The following KDM4C variants were observed in gnomAD, a reference collection of about 807,000 sequenced individuals.
KDM4C encodes the protein lysine-specific demethylase 4C.
KDM4C carries 81 observed loss-of-function variants against 129.3 expected under a neutral mutation model. The observed-to-expected ratio is 0.63, with a 90% CI of 0.52 to 0.75. KDM4C has a LOEUF of 0.75. Among genes scored for constraint, KDM4C ranks in the 30% least tolerant of loss-of-function variants. The pLI is 0.00. For missense variants in KDM4C, 1,457 were observed against 1,304.0 expected, an observed-to-expected ratio of 1.12 and a Z score of -1.81; for synonymous variants, 573 against 456.1, an observed-to-expected ratio of 1.26 and a Z score of -3.26.
chr9:6,968,507 G>A (rs1831397602), intron 8 of KDM4C, among the ~76,000 whole-genome samples: 1 of 152,126 alleles, frequency 6.6e-6, no homozygotes, highest in African/African-American at 2.4e-5. Context: ...CTCTGATGTT[G>A]CTGTGGTTAA....
intron 15 of KDM4C, among the ~76,000 whole-genome samples, chr9:7,016,833 C>G (rs1289855584): frequency 6.6e-6 from 1 of 152,118 alleles, no homozygotes; most frequent in African/African-American, 2.4e-5. Flanking sequence ...TCTTCATTTT[C>G]TTGTCCATCC....
intron 8 of KDM4C, among the ~76,000 whole-genome samples, chr9:6,915,176 A>G (rs7034545): frequency 0.056 from 8,526 of 152,310 alleles, 500 homozygotes; most frequent in African/African-American, 0.14. Context: ...TTAATTTGCT[A>G]GAATGCAGCT....
intron 18 of KDM4C, among the ~76,000 whole-genome samples, chr9:7,113,831 C>T (rs555884809): frequency 7.2e-5 from 11 of 152,272 alleles, no homozygotes; most frequent in East Asian, 1.9e-4. Context: ...CATGAAGGCT[C>T]GTGCTGGAGA....
In KDM4C at chr9:7,091,943, C is replaced by G. The variant is rs149020120; in HGVS notation, c.2425-11742C>G. 3.2e-3 allele frequency among the ~76,000 whole-genome samples: 489 copies of G among 152,300 alleles called. 7 individuals are homozygous for G. Among genetic ancestry groups the G allele is most frequent in the African/African-American group, 0.011 (453 of 41,564 alleles). On this transcript the variant is annotated intron_variant, in intron 17 of 21. Transcript: ENST00000381309. Reference sequence around the variant, plus strand: ...CAGCACATGCTTCTCTGCGCTGTTTCCTGAAGTGTTATTTGTTTAACGTCC... The same window carrying G: ...CAGCACATGCTTCTCTGCGCTGTTTGCTGAAGTGTTATTTGTTTAACGTCC...
chr9:7,066,960 C>A (rs912083069), intron 17 of KDM4C, among the ~76,000 whole-genome samples: 4 of 152,066 alleles, frequency 2.6e-5, no homozygotes, highest in African/African-American at 9.7e-5. Context: ...TTTGGCAGGT[C>A]AACTTAAAAA....
At chr9:6,952,105 A>G (rs995556879) in intron 8 of KDM4C, among the ~76,000 whole-genome samples, 1 of 152,154 alleles carries the variant, frequency 6.6e-6, no homozygotes, top group Non-Finnish European at 1.5e-5. Context: ...AATCTTTATG[A>G]AAGGAAATTT....
chr9:6,816,871 C>T (rs2131169491), intron 4 of KDM4C, among the ~76,000 whole-genome samples: 1 of 146,032 alleles, frequency 6.8e-6, no homozygotes, highest in East Asian at 2.0e-4. Flanking sequence ...GGCTTAAGTT[C>T]CCTTTTCTGT....
intron 12 of KDM4C, among the ~76,000 whole-genome samples, chr9:7,008,560 A>C (rs1822105924): frequency 6.6e-6 from 1 of 152,204 alleles, no homozygotes; most frequent in Non-Finnish European, 1.5e-5. Flanking sequence ...CCCTGGGTAC[A>C]GGTCTACCAT....
rs773665566 is a variant in KDM4C, at chr9:7,013,985, C to T, written c.2166C>T (p.Cys722=). The T allele has an allele frequency of 8.1e-6, 13 of 1,612,790 alleles. No individual in the cohort carries two copies. The highest frequency in any genetic ancestry group is 1.1e-5 in the South Asian group (1 of 90,956). Residue 722 remains cysteine, a synonymous_variant, in exon 14 of 22, where the codon TGC becomes TGT. Coordinates refer to ENST00000381309, the MANE Select transcript of KDM4C (RefSeq NM_015061.6). ...TCCTTATTTCCTGTGCAAAGTGCTG[C>T]GTACGGGTTCATGCAAGTAAATGGA... ...TSLLISCAKC[C]VRVHASCYGI... is the part of the protein sequence containing the mutation.
chr9:6,845,990 C>T (rs1205184166), intron 4 of KDM4C, among the ~76,000 whole-genome samples: 1 of 152,192 alleles, frequency 6.6e-6, no homozygotes, highest in Non-Finnish European at 1.5e-5. Flanking sequence ...TTGGAGACTG[C>T]TTTTACACTA....
intron 8 of KDM4C, among the ~76,000 whole-genome samples, chr9:6,972,537 A>G (rs1048791949): frequency 6.6e-6 from 1 of 152,170 alleles, no homozygotes. Context: ...AAATGCCACC[A>G]GTTGTGGTCA....
intron 15 of KDM4C, among the ~76,000 whole-genome samples, chr9:7,025,528 T>G (rs1351224291): frequency 6.6e-6 from 1 of 152,206 alleles, no homozygotes; most frequent in Non-Finnish European, 1.5e-5. Context: ...TGTTATATGG[T>G]TTTTGATTTG....
At chr9:6,936,406 A>G (rs1240355232) in intron 8 of KDM4C, among the ~76,000 whole-genome samples, 1 of 149,526 alleles carries the variant, frequency 6.7e-6, no homozygotes, top group Non-Finnish European at 1.5e-5. Flanking sequence ...TGCTAAAAAA[A>G]GAATGCATAT....
In KDM4C at chr9:6,986,405, T is replaced by C; in HGVS notation, c.1416T>C (p.Tyr472=). 1 of 1,614,022 alleles carries C rather than the reference T, an allele frequency of 6.2e-7. No homozygotes were observed. Among genetic ancestry groups the C allele is most frequent in the South Asian group, 1.1e-5 (1 of 91,068 alleles). The stretch of plus-strand genomic sequence containing the variant: ...TAAAAACTGAGGATGACAAAGCTTA[T>C]GCATATAGAAGTGTACCTTCTATAT... ...EDIKTEDDKA[Y]AYRSVPSISS... is the part of the protein sequence containing the mutation. Residue 472 remains tyrosine, a synonymous_variant, in exon 11 of 22, where the codon TAT becomes TAC. Transcript: ENST00000381309.
chr9:7,124,129 C>G (rs1839789074), intron 18 of KDM4C, among the ~76,000 whole-genome samples: 1 of 152,162 alleles, frequency 6.6e-6, no homozygotes, highest in Non-Finnish European at 1.5e-5. Flanking sequence ...CAAACTGAGG[C>G]TGACGAGGGT....
intron 19 of KDM4C, among the ~76,000 whole-genome samples, chr9:7,163,436 C>T (rs1056870038): frequency 7.2e-5 from 11 of 152,126 alleles, no homozygotes; most frequent in African/African-American, 2.7e-4. Context: ...TAAGTCGTAA[C>T]TAATCCTCTT....
At chr9:6,917,612 C>G (rs961507087) in intron 8 of KDM4C, among the ~76,000 whole-genome samples, 2 of 152,192 alleles carry the variant, frequency 1.3e-5, no homozygotes, top group Non-Finnish European at 2.9e-5. Context: ...TTCTAGGACT[C>G]CAATGAGTTG....
intron 12 of KDM4C, among the ~76,000 whole-genome samples, chr9:7,009,754 A>G (rs1211505174): frequency 6.6e-6 from 1 of 152,208 alleles, no homozygotes; most frequent in East Asian, 1.9e-4. Context: ...TTCACAGATC[A>G]TATTTTGAGA....
intron 8 of KDM4C, among the ~76,000 whole-genome samples, chr9:6,905,878 T>C (rs1004574265): frequency 6.6e-6 from 1 of 152,194 alleles, no homozygotes; most frequent in Non-Finnish European, 1.5e-5. Context: ...CCCTTTATTT[T>C]ATGTTCACAT....
Sources: allele counts gnomAD v4.1 joint callset (sites outside exome capture counted in the v4.1 genomes callset), GRCh38; gene constraint gnomAD v4.1.1; transcripts MANE v1.5; gene names NCBI Gene and HGNC (gene_info 2026-07-23, HGNC 2026-07-21).